The following GRM7 variants were observed in gnomAD, a reference collection of about 807,000 sequenced individuals.
The protein encoded by GRM7 is metabotropic glutamate receptor 7.
GRM7 carries 35 observed loss-of-function variants against 84.5 expected under a neutral mutation model. The observed-to-expected ratio is 0.41, with a 90% confidence interval of 0.32 to 0.55. The LOEUF (loss-of-function observed/expected upper bound fraction) is 0.55, where lower values mean the gene tolerates loss of function less well. Ranked by LOEUF, GRM7 falls within the 20% of genes least tolerant of loss-of-function variation. The pLI is 0.19. For synonymous variants in GRM7, 487 were observed against 455.1 expected (o/e 1.07, Z -0.89); for missense variants, 1,003 against 1,194.6 (o/e 0.84, Z 2.36).
intron 7 of GRM7, among the ~76,000 whole-genome samples, chr3:7,570,172 C>T (rs1383103553): frequency 6.6e-6 from 1 of 152,120 alleles, no homozygotes; most frequent in East Asian, 1.9e-4. Context: ...GGTGGGGATA[C>T]AGCCAAACCA....
At chr3:7,544,212 A>G (rs1448730798) in intron 7 of GRM7, among the ~76,000 whole-genome samples, 3 of 152,122 alleles carry the variant, frequency 2.0e-5, no homozygotes, top group Non-Finnish European at 2.9e-5. Context: ...CTGTCACCCA[A>G]GTGGAATGCA....
intron 1 of GRM7, among the ~76,000 whole-genome samples, chr3:6,896,376 T>A (rs1696183150): frequency 6.6e-6 from 1 of 152,198 alleles, no homozygotes; most frequent in African/African-American, 2.4e-5. Flanking sequence ...TACCTATCAT[T>A]TCATAAAATG....
chr3:7,265,767 C>T (rs1697145036), intron 2 of GRM7, among the ~76,000 whole-genome samples: 1 of 152,186 alleles, frequency 6.6e-6, no homozygotes, highest in South Asian at 2.1e-4. Flanking sequence ...TATTGCAGTA[C>T]AAAACATGAC....
intron 5 of GRM7, among the ~76,000 whole-genome samples, chr3:7,423,523 G>C (rs1478209443): frequency 6.6e-6 from 1 of 152,138 alleles, no homozygotes; most frequent in African/African-American, 2.4e-5. Flanking sequence ...CGGATGCTTA[G>C]AGTCATTTTA....
chr3:6,941,138 G>A (rs966150265), intron 1 of GRM7, among the ~76,000 whole-genome samples: 5 of 152,204 alleles, frequency 3.3e-5, no homozygotes, highest in Admixed American at 6.5e-5. Flanking sequence ...TAGCCTCCCC[G>A]CCTGGGAACC....
chr3:7,472,655 G>A (rs1184365379), intron 7 of GRM7, among the ~76,000 whole-genome samples: 1 of 152,166 alleles, frequency 6.6e-6, no homozygotes, highest in Non-Finnish European at 1.5e-5. Flanking sequence ...GCTCCCAAGA[G>A]GGTAGTGAGA....
intron 1 of GRM7, among the ~76,000 whole-genome samples, chr3:6,912,424 T>C (rs1480846599): frequency 6.6e-6 from 1 of 152,150 alleles, no homozygotes; most frequent in Non-Finnish European, 1.5e-5. Context: ...CTGTCCTACT[T>C]TCAGCTGTGC....
chr3:7,040,599 G>T (rs946189991), intron 1 of GRM7, among the ~76,000 whole-genome samples: 1 of 151,700 alleles, frequency 6.6e-6, no homozygotes, highest in Non-Finnish European at 1.5e-5. Context: ...CACCACACCT[G>T]GCCTGTCTCT....
At chr3:7,185,259 G>C (rs1695476762) in intron 2 of GRM7, among the ~76,000 whole-genome samples, 1 of 152,100 alleles carries the variant, frequency 6.6e-6, no homozygotes. Flanking sequence ...ACCTTCACAG[G>C]GAGTTTGGAA....
At chr3:7,372,962 C>T (rs1026203536) in intron 4 of GRM7, among the ~76,000 whole-genome samples, 2 of 151,944 alleles carry the variant, frequency 1.3e-5, no homozygotes, top group African/African-American at 2.4e-5. Flanking sequence ...ATGTAATATA[C>T]CACTAAGCCA....
intron 4 of GRM7, among the ~76,000 whole-genome samples, chr3:7,310,188 C>T (rs1700342612): frequency 6.6e-6 from 1 of 152,098 alleles, no homozygotes; most frequent in Admixed American, 6.6e-5. Context: ...TACTCATTAA[C>T]ATTAGGAAGC....
At chr3:7,109,715 A>C (rs1450365563) in intron 1 of GRM7, among the ~76,000 whole-genome samples, 1 of 152,184 alleles carries the variant, frequency 6.6e-6, no homozygotes, top group Non-Finnish European at 1.5e-5. Flanking sequence ...CAAATGAATC[A>C]ATTCACTTGC....
At chr3:7,453,880 G>A (rs1697886372) in intron 6 of GRM7, among the ~76,000 whole-genome samples, 2 of 152,104 alleles carry the variant, frequency 1.3e-5, no homozygotes, top group Admixed American at 1.3e-4. Context: ...CTTCCTCCAG[G>A]ATATGGGGCA....
intron 7 of GRM7, among the ~76,000 whole-genome samples, chr3:7,510,946 C>T (rs1265039321): frequency 6.6e-6 from 1 of 152,118 alleles, no homozygotes; most frequent in Non-Finnish European, 1.5e-5. Context: ...ACTCCCAGGT[C>T]CTTTTCAGAA....
chr3:7,107,298 A>T (rs969729622), intron 1 of GRM7, among the ~76,000 whole-genome samples: 2 of 151,982 alleles, frequency 1.3e-5, no homozygotes, highest in African/African-American at 4.8e-5. Context: ...GCCTAGTAGG[A>T]GCCTAATAAA....
rs58585620 is a variant in GRM7, at chr3:7,529,912, C to CTT, written c.1516-48497_1516-48496dup. 1.3e-3 allele frequency among the ~76,000 whole-genome samples: 180 copies of CTT among 140,102 alleles called. 1 individual carries two copies. Among genetic ancestry groups the CTT allele is most frequent in the East Asian group, 5.0e-3 (24 of 4,770 alleles). The allele number at this position is 140,102 out of a possible 152,430, so 91.9% of individuals were successfully genotyped here. On this transcript the variant is annotated intron_variant, in intron 7 of 9. Coordinates refer to ENST00000357716, the MANE Select transcript of GRM7 (RefSeq NM_000844.4). The stretch of plus-strand genomic sequence containing the variant: ...AGACCACTGGCTGTTAGGACCTTTT[C>CTT]TTTTTTTTTTTTTTGTCAGTTCAAC...
chr3:7,372,329 A>C (rs889943269), intron 4 of GRM7, among the ~76,000 whole-genome samples: 1 of 152,194 alleles, frequency 6.6e-6, no homozygotes, highest in Non-Finnish European at 1.5e-5. Context: ...AGGTGTTGGC[A>C]GTATCCATTT....
chr3:7,702,124 C>G (rs1272141317), intron 9 of GRM7, among the ~76,000 whole-genome samples: 1 of 152,214 alleles, frequency 6.6e-6, no homozygotes, highest in East Asian at 1.9e-4. Flanking sequence ...AAAAATGAAG[C>G]CTCAACAAAA....
chr3:6,912,100 C>T (rs1040574920), intron 1 of GRM7, among the ~76,000 whole-genome samples: 1 of 152,126 alleles, frequency 6.6e-6, no homozygotes, highest in African/African-American at 2.4e-5. Flanking sequence ...TTAGTGCTTT[C>T]TTCTTAAGGT....
Sources: gnomAD v4.1 joint callset for allele counts (sites outside exome capture counted in the v4.1 genomes callset) on GRCh38, gnomAD v4.1.1 for gene constraint, MANE v1.5 for transcripts, NCBI Gene and HGNC (gene_info 2026-07-23, HGNC 2026-07-21) for gene names.